Variants in KCNIP4 observed in about 807,000 individuals in gnomAD.
KCNIP4 encodes the protein potassium voltage-gated channel interacting protein 4.
Under a neutral mutation model 34.0 loss-of-function variants are expected in KCNIP4, and 12 were observed. The observed-to-expected ratio is 0.35, with a 90% CI of 0.23 to 0.57. The LOEUF (loss-of-function observed/expected upper bound fraction) is 0.57. Among genes scored for constraint, KCNIP4 ranks in the 20% least tolerant of loss-of-function variants. KCNIP4 has a pLI of 0.83. For missense variants in KCNIP4, 238 were observed against 311.7 expected, an observed-to-expected ratio of 0.76 and a Z score of 1.78; for synonymous variants, 124 against 102.2, an observed-to-expected ratio of 1.21 and a Z score of -1.29.
chr4:21,308,762 G>T (rs1217233989), intron 1 of KCNIP4, among the ~76,000 whole-genome samples: 1 of 152,056 alleles, frequency 6.6e-6, no homozygotes, highest in Admixed American at 6.6e-5. Flanking sequence ...TGAAGCGGCA[G>T]TGAGAGAAAA....
chr4:21,754,279 T>C (rs564361713), intron 1 of KCNIP4, among the ~76,000 whole-genome samples: 3 of 152,086 alleles, frequency 2.0e-5, no homozygotes, highest in Non-Finnish European at 4.4e-5. Flanking sequence ...CACCCACCTC[T>C]CTCTACCTTG....
At chr4:21,911,745 T>C (rs1728347037) in intron 1 of KCNIP4, among the ~76,000 whole-genome samples, 1 of 151,734 alleles carries the variant, frequency 6.6e-6, no homozygotes. Context: ...CTTGGTCCCA[T>C]CTTGTAATTC....
At chr4:21,829,113 A>T (rs866821335) in intron 1 of KCNIP4, among the ~76,000 whole-genome samples, 8 of 151,996 alleles carry the variant, frequency 5.3e-5, no homozygotes, top group South Asian at 4.1e-4. Flanking sequence ...CGATGGTTTG[A>T]CTTACCATTT....
chr4:20,983,502 C>A (rs1436358693), intron 1 of KCNIP4, among the ~76,000 whole-genome samples: 4 of 152,102 alleles, frequency 2.6e-5, no homozygotes, highest in African/African-American at 9.7e-5. Flanking sequence ...ACTTGACAAC[C>A]AAATACCAAC....
chr4:20,971,304 A>G (rs1020929302), intron 1 of KCNIP4, among the ~76,000 whole-genome samples: 5 of 152,194 alleles, frequency 3.3e-5, no homozygotes, highest in African/African-American at 9.7e-5. Flanking sequence ...GAGATCAGAC[A>G]AGTATGTTGA....
rs554952304 is a variant in KCNIP4 at position 20,758,928 on chromosome 4, T to A, written c.289-38A>T. Reference sequence around the variant, plus strand: ...GCAGAGAAGCAATATGAGCAAAGTGTTCATAAAACTGAATTTTTTTTGCAC... The same window carrying A: ...GCAGAGAAGCAATATGAGCAAAGTGATCATAAAACTGAATTTTTTTTGCAC... On this transcript the variant is annotated intron_variant, in intron 3 of 8. Coordinates refer to ENST00000382152, the MANE Select transcript of KCNIP4 (RefSeq NM_025221.6). 3 of 1,552,358 alleles carry A rather than the reference T, an allele frequency of 1.9e-6. No individual in the cohort carries two copies. In the East Asian group the frequency reaches 6.8e-5, roughly 35 times the overall value.
chr4:21,384,390 T>C (rs2109488205), intron 1 of KCNIP4, among the ~76,000 whole-genome samples: 1 of 152,330 alleles, frequency 6.6e-6, no homozygotes, highest in Middle Eastern at 3.4e-3. Flanking sequence ...ATTAAATAAG[T>C]ATGTGTTGAA....
At chr4:21,784,782 T>C (rs1375761967) in intron 1 of KCNIP4, among the ~76,000 whole-genome samples, 1 of 152,192 alleles carries the variant, frequency 6.6e-6, no homozygotes, top group African/African-American at 2.4e-5. Context: ...CATTTTTATT[T>C]ATCTTATCAT....
chr4:21,526,250 T>C (rs929880104), intron 1 of KCNIP4, among the ~76,000 whole-genome samples: 1 of 152,086 alleles, frequency 6.6e-6, no homozygotes, highest in African/African-American at 2.4e-5. Context: ...GATCTTGTGA[T>C]AGTGAATAAG....
In KCNIP4 at chr4:21,437,880, A is replaced by AGTGTGTGT. The variant is rs71655635; in HGVS notation, c.61+510683_61+510690dup. Among the ~76,000 whole-genome samples the AGTGTGTGT allele has an allele frequency of 8.9e-4, 127 of 143,352 alleles. 2 individuals are homozygous for AGTGTGTGT. Among genetic ancestry groups the AGTGTGTGT allele is most frequent in the South Asian group, 4.0e-3 (17 of 4,292 alleles). The allele number at this position is 143,352 out of a possible 152,430, so 94.0% of individuals were successfully genotyped here. A position where few individuals can be genotyped will look rare whatever the true frequency, so the allele number is the denominator to read the frequency against. ...AGGTTTTATGTCTTTTTATTTTACA[A>AGTGTGTGT]GTGTGTGTGTGTGTGTGTGTGTGTG... On this transcript the variant is annotated intron_variant, in intron 1 of 8. Coordinates refer to ENST00000382152, the MANE Select transcript of KCNIP4 (RefSeq NM_025221.6).
At chr4:21,257,965 C>G (rs554636598) in intron 1 of KCNIP4, among the ~76,000 whole-genome samples, 1 of 152,246 alleles carries the variant, frequency 6.6e-6, no homozygotes, top group East Asian at 1.9e-4. Flanking sequence ...TCTTGCCTCT[C>G]ATCAAATCTC....
chr4:21,415,978 G>A (rs189618023), intron 1 of KCNIP4, among the ~76,000 whole-genome samples: 15 of 152,230 alleles, frequency 9.9e-5, no homozygotes, highest in Non-Finnish European at 2.2e-4. Flanking sequence ...TTTTAATCAC[G>A]GTAAAATGAG....
intron 1 of KCNIP4, among the ~76,000 whole-genome samples, chr4:21,681,522 T>C (rs2109024692): frequency 6.6e-6 from 1 of 152,346 alleles, no homozygotes; most frequent in East Asian, 1.9e-4. Flanking sequence ...ACTTGCTCTT[T>C]AACCTTGCAC....
intron 1 of KCNIP4, among the ~76,000 whole-genome samples, chr4:21,190,813 T>A (rs565954481): frequency 3.0e-4 from 45 of 152,336 alleles, no homozygotes; most frequent in Middle Eastern, 6.8e-3. Flanking sequence ...TGCAAATTAA[T>A]GTGTAATTAC....
chr4:20,959,794 C>T (rs766484012), intron 1 of KCNIP4, among the ~76,000 whole-genome samples: 2 of 152,168 alleles, frequency 1.3e-5, no homozygotes, highest in African/African-American at 2.4e-5. Flanking sequence ...TGCAAGGAGA[C>T]CATGTATGCT....
intron 3 of KCNIP4, among the ~76,000 whole-genome samples, chr4:20,835,296 A>C (rs10004954): frequency 0.38 from 57,453 of 151,470 alleles, 11,604 homozygotes; most frequent in Non-Finnish European, 0.46. Flanking sequence ...CCTGACCAGG[A>C]CTAAATCCTT....
intron 1 of KCNIP4, chr4:21,316,593 AC>A (rs1490923167): frequency 6.6e-6 from 1 of 152,240 alleles, no homozygotes; most frequent in Admixed American, 6.5e-5. Context: ...AAGTGAGACC[AC>A]TGGCAACCTG....
At chr4:20,770,406 T>C (rs1447097171) in intron 3 of KCNIP4, among the ~76,000 whole-genome samples, 1 of 152,080 alleles carries the variant, frequency 6.6e-6, no homozygotes, top group East Asian at 1.9e-4. Flanking sequence ...AGAAATAAAT[T>C]TTTTTAGATT....
intron 1 of KCNIP4, among the ~76,000 whole-genome samples, chr4:21,035,815 C>T (rs888855126): frequency 2.0e-5 from 3 of 152,150 alleles, no homozygotes; most frequent in African/African-American, 7.2e-5. Flanking sequence ...ATCTGTGGCT[C>T]AGCTTGGGAG....
Sources: gnomAD v4.1 joint callset for allele counts (sites outside exome capture counted in the v4.1 genomes callset) on GRCh38, gnomAD v4.1.1 for gene constraint, MANE v1.5 for transcripts, NCBI Gene and HGNC (gene_info 2026-07-23, HGNC 2026-07-21) for gene names.